NPAS3: variants seen among roughly 807,000 people sequenced by gnomAD.
NPAS3 encodes the protein neuronal PAS domain-containing protein 3.
Under a neutral mutation model 73.1 loss-of-function variants are expected in NPAS3, and 14 were observed. That is an observed-to-expected ratio of 0.19 (90% confidence interval 0.13 to 0.30). The LOEUF is 0.30. Ranked by LOEUF, NPAS3 falls within the 10% of genes least tolerant of loss-of-function variation. The probability of loss-of-function intolerance (pLI) is 1.00; values close to 1 mark genes in which losing one functional copy is unlikely to be tolerated. For missense variants in NPAS3, 1,096 were observed against 1,250.0 expected, an observed-to-expected ratio of 0.88 and a Z score of 1.86; for synonymous variants, 620 against 541.5, an observed-to-expected ratio of 1.14 and a Z score of -2.01.
intron 4 of NPAS3, among the ~76,000 whole-genome samples, chr14:33,547,281 A>C (rs1297582548): frequency 6.6e-6 from 1 of 152,176 alleles, no homozygotes; most frequent in Non-Finnish European, 1.5e-5. Flanking sequence ...ACCCCCAAGC[A>C]AGACAATAAA....
At chr14:33,789,225 A>G (rs1431117760) in intron 9 of NPAS3, among the ~76,000 whole-genome samples, 1 of 152,198 alleles carries the variant, frequency 6.6e-6, no homozygotes, top group African/African-American at 2.4e-5. Context: ...GTTCATCTCT[A>G]TAGTATTCTT....
At chr14:33,612,349 G>C (rs4982101) in intron 5 of NPAS3, 18 of 451,462 alleles carry the variant, frequency 4.0e-5, no homozygotes, top group African/African-American at 6.0e-5. Flanking sequence ...CTTTATCATC[G>C]CCCACATTCT....
At chr14:33,086,819 A>G (rs1015033931) in intron 2 of NPAS3, among the ~76,000 whole-genome samples, 10 of 152,078 alleles carry the variant, frequency 6.6e-5, no homozygotes, top group Non-Finnish European at 8.8e-5. Flanking sequence ...ATCTGGGGTT[A>G]TTGTAAGACA....
chr14:33,708,632 T>G (rs2060728399), intron 6 of NPAS3, among the ~76,000 whole-genome samples: 1 of 152,096 alleles, frequency 6.6e-6, no homozygotes, highest in African/African-American at 2.4e-5. Context: ...ATGGCAAAAC[T>G]TATTGATGAA....
intron 4 of NPAS3, among the ~76,000 whole-genome samples, chr14:33,493,663 C>T (rs895777553): frequency 4.6e-5 from 7 of 152,004 alleles, no homozygotes; most frequent in Non-Finnish European, 1.0e-4. Context: ...AGGGGCTAGC[C>T]CCTTTGCTTC....
At chr14:33,725,756 C>G (rs1204001938) in intron 6 of NPAS3, among the ~76,000 whole-genome samples, 1 of 152,150 alleles carries the variant, frequency 6.6e-6, no homozygotes. Context: ...TTAAGCCAGG[C>G]AACTTCTAGC....
At chr14:33,756,980 A>G (rs536927465) in intron 7 of NPAS3, among the ~76,000 whole-genome samples, 1 of 152,340 alleles carries the variant, frequency 6.6e-6, no homozygotes, top group East Asian at 1.9e-4. Flanking sequence ...TGAAGAATGA[A>G]TATTATTTCC....
chr14:32,999,765 C>G (rs1183674038), intron 1 of NPAS3, among the ~76,000 whole-genome samples: 1 of 152,042 alleles, frequency 6.6e-6, no homozygotes, highest in East Asian at 1.9e-4. Context: ...CCCAGTTATA[C>G]TTACTCTTAC....
intron 4 of NPAS3, among the ~76,000 whole-genome samples, chr14:33,456,460 A>C (rs922978009): frequency 6.6e-6 from 1 of 152,110 alleles, no homozygotes; most frequent in East Asian, 1.9e-4. Context: ...GAAAAAGACT[A>C]TTAGGAAAAT....
At chr14:33,019,477 A>G (rs2039512982) in intron 1 of NPAS3, among the ~76,000 whole-genome samples, 1 of 151,968 alleles carries the variant, frequency 6.6e-6, no homozygotes, top group Non-Finnish European at 1.5e-5. Flanking sequence ...ACAGTAGCCT[A>G]TGGCTTTAAA....
At position 33,501,636 on chromosome 14, in the gene NPAS3, T is replaced by G. The variant is rs185488608; in HGVS notation, c.469-58485T>G. Among the ~76,000 whole-genome samples the G allele has an allele frequency of 8.5e-4, 129 of 151,680 alleles. 1 individual carries two copies. The East Asian group carries it at 0.012, about 14-fold the overall frequency. ...CCTTCTAGAATCTGGATTTGTTTTT[T>G]TTTTTTTTACCTTCAAAAACGGCTC... On this transcript the variant is annotated intron_variant, in intron 4 of 11. Coordinates refer to ENST00000356141, the Ensembl canonical transcript of NPAS3.
intron 9 of NPAS3, among the ~76,000 whole-genome samples, chr14:33,784,520 G>A (rs924357767): frequency 1.3e-5 from 2 of 152,134 alleles, no homozygotes; most frequent in African/African-American, 4.8e-5. Flanking sequence ...TGGCAAGAGA[G>A]ATGGAGGAGT....
intron 2 of NPAS3, among the ~76,000 whole-genome samples, chr14:33,061,182 C>A (rs979934910): frequency 7.2e-5 from 11 of 152,118 alleles, no homozygotes; most frequent in African/African-American, 2.7e-4. Flanking sequence ...AGGATGGTCA[C>A]CTATGCTGAA....
chr14:33,029,247 GT>G (rs1206902563), intron 1 of NPAS3, among the ~76,000 whole-genome samples: 1 of 152,196 alleles, frequency 6.6e-6, no homozygotes, highest in Non-Finnish European at 1.5e-5. Context: ...CCTCTATGCA[GT>G]GGGGAGCATT....
chr14:33,392,590 TTTTTTGAAATTAGTGCATCATTC>T (rs1270843802), intron 4 of NPAS3, among the ~76,000 whole-genome samples: 2 of 152,178 alleles, frequency 1.3e-5, no homozygotes, highest in Admixed American at 1.3e-4. Flanking sequence ...AATATTATGC[TTTTTTGAAATTAGTGCATCATTC>T]TTTTGTGTTC....
intron 3 of NPAS3, among the ~76,000 whole-genome samples, chr14:33,258,757 C>T (rs925571371): frequency 7.9e-5 from 12 of 152,196 alleles, no homozygotes; most frequent in African/African-American, 2.7e-4. Flanking sequence ...AATCTTCCAA[C>T]TAAGTCTTAT....
At chr14:33,470,933 T>TA (rs59672930) in intron 4 of NPAS3, among the ~76,000 whole-genome samples, 3,989 of 140,792 alleles carry the variant, frequency 0.028, 85 homozygotes, top group Middle Eastern at 0.066. Flanking sequence ...AGAGCATATT[T>TA]AAAAAAAAAA....
intron 6 of NPAS3, among the ~76,000 whole-genome samples, chr14:33,729,549 T>G (rs2061352081): frequency 6.6e-6 from 1 of 152,182 alleles, no homozygotes; most frequent in Admixed American, 6.6e-5. Flanking sequence ...CACAGTCATC[T>G]GAAGGCTCAC....
intron 2 of NPAS3, among the ~76,000 whole-genome samples, chr14:33,091,013 A>G (rs529481079): frequency 6.6e-6 from 1 of 152,324 alleles, no homozygotes; most frequent in Admixed American, 6.5e-5. Context: ...AATTTATAGC[A>G]CTAAATGCCC....
Sources: allele counts gnomAD v4.1 joint callset (sites outside exome capture counted in the v4.1 genomes callset), GRCh38; gene constraint gnomAD v4.1.1; transcripts MANE v1.5; gene names NCBI Gene and HGNC (gene_info 2026-07-23, HGNC 2026-07-21).